Variants in MYB observed in about 807,000 individuals in gnomAD.
MYB encodes the protein MYB proto-oncogene, transcription factor, also known as transcriptional activator Myb.
In MYB, 28 loss-of-function variants were observed where a neutral mutation model predicts 92.9. The observed-to-expected ratio is 0.30, with a 90% CI of 0.22 to 0.41. MYB has a LOEUF of 0.41. MYB is among the 10% of genes least tolerant of loss of function. MYB has a pLI of 1.00. For synonymous variants in MYB, 295 were observed against 329.1 expected, an observed-to-expected ratio of 0.90 and a Z score of 1.12; for missense variants, 679 against 929.3, an observed-to-expected ratio of 0.73 and a Z score of 3.50.
chr6:135,212,971 G>A (rs1355222742), intron 15 of MYB, among the ~76,000 whole-genome samples: 2 of 152,176 alleles, frequency 1.3e-5, no homozygotes, highest in Non-Finnish European at 2.9e-5. Context: ...TTGTACCAAA[G>A]TACTCAATCT....
intron 11 of MYB, chr6:135,199,636 G>A: frequency 1.5e-6 from 1 of 688,750 alleles, no homozygotes; most frequent in African/African-American, 2.0e-5. Flanking sequence ...AAATGGTAGA[G>A]AAAGTGTGAA....
intron 8 of MYB, chr6:135,194,937 T>G: frequency 7.6e-7 from 1 of 1,312,966 alleles, no homozygotes; most frequent in South Asian, 1.2e-5. Context: ...TTAGCTGCTC[T>G]CTTTTATTTG....
rs113427245 is a variant in MYB, at chr6:135,218,261, T to C, written c.*281T>C. 1,078 of 339,174 alleles carry C rather than the reference T, an allele frequency of 3.2e-3. 3 individuals carry two copies. Among genetic ancestry groups the C allele is most frequent in the Non-Finnish European group, 4.5e-3 (822 of 184,162 alleles). 21.0% of individuals were successfully genotyped at this position (339,174 alleles called of 1,614,324 possible). A position where few individuals can be genotyped will look rare whatever the true frequency, so the allele number is the denominator to read the frequency against. ...AATGCAGATTTTTTTAAAAAAAACA[T>C]AAAATGATTTATCTGTATTTTAAAG... is the stretch of plus-strand genomic sequence containing the variant. On this transcript the variant is annotated 3_prime_UTR_variant, in exon 16 of 16. Transcript: ENST00000341911.
Position 135,192,546 on chromosome 6 carries a change from T to C in MYB, c.750T>C (p.Ser250=), listed in dbSNP as rs61756670. Residue 250 remains serine, a synonymous_variant, in exon 6 of 16, where the codon TCT becomes TCC. Coordinates refer to ENST00000341911, the MANE Select transcript of MYB (RefSeq NM_001130173.2). ...VNNDYSYYHI[S]EAQNVSSHVP... is the part of the protein sequence containing the mutation. ...ACGACTATTCCTATTACCACATTTC[T>C]GAAGCACAAAATGTAAGCCATTCCT... The C allele has an allele frequency of 0.011, 17,971 of 1,614,006 alleles. 125 individuals are homozygous for C. Among genetic ancestry groups the C allele is most frequent in the Non-Finnish European group, 0.013 (15,867 of 1,179,812 alleles).
At chr6:135,196,608 T>C in intron 9 of MYB, 1 of 609,990 alleles carries the variant, frequency 1.6e-6, no homozygotes, top group South Asian at 1.7e-5. Context: ...CAGCGAACAC[T>C]TGGTTCCTTT....
intron 15 of MYB, among the ~76,000 whole-genome samples, chr6:135,208,507 G>C (rs1383739598): frequency 6.6e-6 from 1 of 151,226 alleles, no homozygotes; most frequent in Non-Finnish European, 1.5e-5. Context: ...AGCCTCCTGA[G>C]TAGCTGGGAC....
chr6:135,193,822 T>C lies in MYB; in HGVS notation c.763-16T>C. The C allele has an allele frequency of 1.3e-6, 2 of 1,592,526 alleles. No homozygotes were observed. The highest frequency in any genetic ancestry group is 1.7e-6 in the Non-Finnish European group (2 of 1,160,598). On this transcript the variant is annotated splice_polypyrimidine_tract_variant and intron_variant, in intron 6 of 15. Coordinates refer to ENST00000341911, the MANE Select transcript of MYB (RefSeq NM_001130173.2). ...GCCCTGAATGACGTGGCCTTTGTTT[T>C]GTCTTTTGCATCTAGGTCTCCAGTC...
At chr6:135,216,970 A>C (rs1411490052) in intron 15 of MYB, among the ~76,000 whole-genome samples, 1 of 152,184 alleles carries the variant, frequency 6.6e-6, no homozygotes, top group African/African-American at 2.4e-5. Flanking sequence ...TCCCGAGGTG[A>C]TGGTGCTGTT....
At chr6:135,208,038 T>C (rs990828583) in intron 15 of MYB, among the ~76,000 whole-genome samples, 2 of 151,398 alleles carry the variant, frequency 1.3e-5, no homozygotes, top group African/African-American at 4.8e-5. Flanking sequence ...ACCTCATCTC[T>C]TTTTTATGAA....
rs563846687 is a variant in MYB, at chr6:135,183,860, G to A, written c.24-2043G>A. 9.2e-5 allele frequency among the ~76,000 whole-genome samples: 14 copies of A among 152,318 alleles called. 1 individual carries two copies. Among genetic ancestry groups the A allele is most frequent in the Middle Eastern group, 3.4e-3 (1 of 294 alleles). ...CATGGTCATGTATTAGCGCTGGAAA[G>A]TACCTTAGAAATAGGATCCAAGCAA... On this transcript the variant is annotated intron_variant, in intron 1 of 15. Coordinates refer to ENST00000341911, the MANE Select transcript of MYB (RefSeq NM_001130173.2).
At chr6:135,193,264 AT>A (rs1034175867) in intron 6 of MYB, among the ~76,000 whole-genome samples, 2 of 152,210 alleles carry the variant, frequency 1.3e-5, no homozygotes, top group African/African-American at 4.8e-5. Flanking sequence ...AATCTTAAGA[AT>A]AACAATATTA....
intron 3 of MYB, 38 bp from the exon 4 acceptor site, chr6:135,189,753 A>T (rs1776402345): frequency 6.4e-7 from 1 of 1,560,214 alleles, no homozygotes; most frequent in South Asian, 1.1e-5. Context: ...TGCTTATCAC[A>T]TCATATCTTT....
intron 15 of MYB, 88 bp from the exon 16 acceptor site, chr6:135,217,776 G>A (rs2128327848): frequency 3.5e-6 from 3 of 865,570 alleles, no homozygotes; most frequent in East Asian, 2.5e-5. Flanking sequence ...TCAACCACTT[G>A]CCATCTGTTG....
chr6:135,216,256 G>A (rs1395370602), intron 15 of MYB, among the ~76,000 whole-genome samples: 1 of 152,162 alleles, frequency 6.6e-6, no homozygotes, highest in African/African-American at 2.4e-5. Context: ...GTCCAGGGAT[G>A]CTCAAGTCCC....
chr6:135,217,928 G>A lies in MYB; in HGVS notation c.2234G>A (p.Ser745Asn). The change falls in exon 16 of 16, where the codon AGT becomes AAT. Residue 745 changes from serine to asparagine, a missense_variant. Around this residue, in one of 8 missense-constraint regions of MYB, gnomAD observed 402 missense variants for 434.2 expected, o/e 0.93. Transcript: ENST00000341911. Reference protein sequence around the residue: ...GKMEEQMTSSSQARKYVNAFS... With the variant: ...GKMEEQMTSSNQARKYVNAFS... ...ATGGAGGAGCAGATGACATCTTCCA[G>A]TCAAGCTCGTAAATACGTGAATGCA... 1 of 1,613,498 alleles carries A rather than the reference G, an allele frequency of 6.2e-7. No homozygotes were observed. The highest frequency in any genetic ancestry group is 1.1e-5 in the South Asian group (1 of 90,978).
Position 135,190,821 on chromosome 6 carries a change from CT to C in MYB, c.527+476del, listed in dbSNP as rs796219067. 8.4e-4 allele frequency among the ~76,000 whole-genome samples: 127 copies of C among 152,066 alleles called. No individual in the cohort carries two copies. Among genetic ancestry groups the C allele is most frequent in the African/African-American group, 2.9e-3 (122 of 41,462 alleles). On this transcript the variant is annotated intron_variant, in intron 5 of 15. Transcript: ENST00000341911. This position sits in a 1 kb window ranked among gnomAD's most constrained non-coding sequence, Gnocchi z 4.5. The stretch of plus-strand genomic sequence containing the variant: ...AATTATTATTTTTTAGAGACAGAGG[CT>C]TGTTCTGTCACACATGAGTGACAGA...
intron 15 of MYB, among the ~76,000 whole-genome samples, chr6:135,215,913 A>T (rs78524540): frequency 1.3e-5 from 2 of 152,178 alleles, no homozygotes; most frequent in Non-Finnish European, 2.9e-5. Flanking sequence ...TCTGTCTCAT[A>T]AAGGACACTG....
chr6:135,215,471 A>C (rs1181896215), intron 15 of MYB, among the ~76,000 whole-genome samples: 1 of 152,178 alleles, frequency 6.6e-6, no homozygotes. Flanking sequence ...TATGGCGCCT[A>C]AATCCTCTCT....
intron 3 of MYB, among the ~76,000 whole-genome samples, chr6:135,188,787 G>A (rs1249034779): frequency 6.6e-6 from 1 of 152,150 alleles, no homozygotes; most frequent in Admixed American, 6.5e-5. Flanking sequence ...TAGGATTGCA[G>A]GCATGAGCCA....
Sources: allele counts gnomAD v4.1 joint callset (sites outside exome capture counted in the v4.1 genomes callset), GRCh38; gene constraint gnomAD v4.1.1; regional missense constraint gnomAD v4.1.1; non-coding constraint Gnocchi (gnomAD v3.1); transcripts MANE v1.5; gene names NCBI Gene and HGNC (gene_info 2026-07-23, HGNC 2026-07-21).